Variants in LMCD1 observed in about 807,000 individuals in gnomAD.
LMCD1 encodes LIM and cysteine-rich domains protein 1.
A neutral mutation model predicts 42.7 loss-of-function variants in LMCD1; 32 were observed. The ratio of observed to expected loss-of-function variants is 0.75; its 90% CI spans 0.57 to 1.01. The LOEUF (loss-of-function observed/expected upper bound fraction) is 1.01. Among genes scored for constraint, LMCD1 ranks in the 50% least tolerant of loss-of-function variants. The pLI, the probability that LMCD1 is intolerant of heterozygous loss-of-function variation, is 0.00. For missense variants in LMCD1, 458 were observed against 483.1 expected (o/e 0.95, Z 0.49); for synonymous variants, 178 against 184.9 (o/e 0.96, Z 0.30).
intron 3 of LMCD1, among the ~76,000 whole-genome samples, chr3:8,539,245 T>G (rs78841471): frequency 9.2e-4 from 139 of 151,812 alleles, no homozygotes; most frequent in African/African-American, 3.3e-3. Context: ...CCAGATAAAA[T>G]GAAAAGAGAC....
chr3:8,508,336 C>G (rs73810477), intron 1 of LMCD1, among the ~76,000 whole-genome samples: 4 of 152,050 alleles, frequency 2.6e-5, no homozygotes, highest in African/African-American at 9.7e-5. Flanking sequence ...GGGCCCCCAC[C>G]GGGACATGCT....
rs1693733465 is a variant in LMCD1, at chr3:8,501,993, CTGTT to C, written c.42+17_42+20del. ...AGGAGTTAAAAAGGTGAGTGGAAAGCTGTTTGTATTTACCCAGATTCTTACTTTT... is the reference window on the plus strand; with the variant it reads ...AGGAGTTAAAAAGGTGAGTGGAAAGCTGTATTTACCCAGATTCTTACTTTT... On this transcript the variant is annotated intron_variant, in intron 1 of 5. Coordinates refer to ENST00000157600, the MANE Select transcript of LMCD1 (RefSeq NM_014583.4). 6.3e-7 allele frequency: 1 copy of C among 1,582,290 alleles called. No homozygotes were observed. The highest frequency in any genetic ancestry group is 8.6e-7 in the Non-Finnish European group (1 of 1,166,660).
rs917613061 is a variant in LMCD1, at chr3:8,571,267, C to T, written c.*3669C>T. 6 of 152,124 alleles carry T rather than the reference C, an allele frequency of 3.9e-5. No homozygotes were observed. Among genetic ancestry groups the T allele is most frequent in the African/African-American group, 1.2e-4 (5 of 41,430 alleles). The allele number at this position is 152,124 out of a possible 1,614,324, so 9.4% of individuals were successfully genotyped here. On this transcript the variant is annotated 3_prime_UTR_variant, in exon 6 of 6. Coordinates refer to ENST00000157600, the MANE Select transcript of LMCD1 (RefSeq NM_014583.4). The stretch of plus-strand genomic sequence containing the variant: ...CCCCTATGAACTTCTAAAGAATAAT[C>T]GTATTATCTTTATTTCCCCAACTCT...
chr3:8,543,390 AGATAGAT>A (rs1271063049), intron 3 of LMCD1, among the ~76,000 whole-genome samples: 2,032 of 90,758 alleles, frequency 0.022, 17 homozygotes, highest in African/African-American at 0.034. Flanking sequence ...ATAGATAGAT[AGATAGAT>A]GATAGATAGA....
chr3:8,546,037 G>T (rs1694729524), intron 3 of LMCD1, among the ~76,000 whole-genome samples: 1 of 152,176 alleles, frequency 6.6e-6, no homozygotes, highest in Non-Finnish European at 1.5e-5. Context: ...TCCTGCTGAG[G>T]CAGGAGAATC....
intron 2 of LMCD1, among the ~76,000 whole-genome samples, chr3:8,533,404 G>A (rs558226227): frequency 1.3e-4 from 20 of 152,272 alleles, no homozygotes; most frequent in Middle Eastern, 3.4e-3. Context: ...ACAATGCAGC[G>A]TCCCTGGGCA....
chr3:8,536,105 G>T (rs770573111), intron 2 of LMCD1, among the ~76,000 whole-genome samples: 1 of 152,180 alleles, frequency 6.6e-6, no homozygotes, highest in Non-Finnish European at 1.5e-5. Context: ...CCTCCTGACT[G>T]TAGGAGGGAA....
intron 1 of LMCD1, among the ~76,000 whole-genome samples, chr3:8,516,985 T>C (rs1694113199): frequency 6.6e-6 from 1 of 152,202 alleles, no homozygotes; most frequent in African/African-American, 2.4e-5. Flanking sequence ...TGCTACATCA[T>C]TTTTTGCTGA....
At chr3:8,515,917 G>T (rs2125013666) in intron 1 of LMCD1, among the ~76,000 whole-genome samples, 1 of 152,258 alleles carries the variant, frequency 6.6e-6, no homozygotes, top group East Asian at 1.9e-4. Context: ...TGGGTGGGGG[G>T]AGTGGGGAGG....
At chr3:8,525,569 T>C (rs2197901) in intron 1 of LMCD1, among the ~76,000 whole-genome samples, 2 of 152,030 alleles carry the variant, frequency 1.3e-5, no homozygotes, top group Non-Finnish European at 2.9e-5. Flanking sequence ...TTCATTTCCT[T>C]TGGATGTATA....
At chr3:8,539,792 A>ATTT (rs201628148) in intron 3 of LMCD1, among the ~76,000 whole-genome samples, 6,754 of 128,430 alleles carry the variant, frequency 0.053, 229 homozygotes, top group Middle Eastern at 0.084. Flanking sequence ...CCTTCCCAAC[A>ATTT]TTTTTATTAT....
intron 4 of LMCD1, chr3:8,549,833 G>A: frequency 2.8e-6 from 2 of 705,838 alleles, no homozygotes; most frequent in South Asian, 1.5e-5. Flanking sequence ...TGTGGCAAGG[G>A]GGCTGGGTGT....
chr3:8,525,968 C>G (rs565394110), intron 1 of LMCD1, among the ~76,000 whole-genome samples: 1 of 152,192 alleles, frequency 6.6e-6, no homozygotes, highest in Admixed American at 6.5e-5. Context: ...TGTAGCCCCT[C>G]GATACTCAAA....
chr3:8,514,887 T>G (rs1362800079), intron 1 of LMCD1: 2 of 454,256 alleles, frequency 4.4e-6, no homozygotes, highest in Non-Finnish European at 8.9e-6. Flanking sequence ...CTGAGGGAAC[T>G]TTCTGGGCCA....
chr3:8,570,561 T>A lies in LMCD1; in HGVS notation c.*2963T>A, dbSNP rs1312903383. The A allele has an allele frequency of 6.6e-6, 1 of 152,392 alleles. No homozygotes were observed. The highest frequency in any genetic ancestry group is 1.5e-5 in the Non-Finnish European group (1 of 68,154). 9.4% of individuals were successfully genotyped at this position (152,392 alleles called of 1,614,324 possible). A position where few individuals can be genotyped will look rare whatever the true frequency, so the allele number is the denominator to read the frequency against. ...CTCTGCCACTTGCCTTCATATCTGATGGGTCACTCAGTCCAGTCCTTTCTC... is the reference window on the plus strand; with the variant it reads ...CTCTGCCACTTGCCTTCATATCTGAAGGGTCACTCAGTCCAGTCCTTTCTC... On this transcript the variant is annotated 3_prime_UTR_variant, in exon 6 of 6. Coordinates refer to ENST00000157600, the MANE Select transcript of LMCD1 (RefSeq NM_014583.4).
chr3:8,535,523 C>T (rs1694493802), intron 2 of LMCD1, among the ~76,000 whole-genome samples: 1 of 152,124 alleles, frequency 6.6e-6, no homozygotes, highest in Non-Finnish European at 1.5e-5. Flanking sequence ...GTATCAAAGT[C>T]AAAGGAGTAG....
chr3:8,530,323 A>G (rs772421751), intron 1 of LMCD1, among the ~76,000 whole-genome samples: 1 of 152,240 alleles, frequency 6.6e-6, no homozygotes, highest in Non-Finnish European at 1.5e-5. Context: ...GAAATGACTC[A>G]TCTCCAGTTA....
In LMCD1 at chr3:8,573,667, G is replaced by C; in HGVS notation, c.*6069G>C. 6.6e-6 allele frequency: 1 copy of C among 152,308 alleles called. No individual in the cohort carries two copies. The highest frequency in any genetic ancestry group is 2.1e-4 in the South Asian group (1 of 4,830). 9.4% of individuals were successfully genotyped at this position (152,308 alleles called of 1,614,324 possible). A position where few individuals can be genotyped will look rare whatever the true frequency, so the allele number is the denominator to read the frequency against. Reference sequence around the variant, plus strand: ...ATTTGCCTTAGGTCAGATTCTACTAGTTTAAAGCAAAACGATCTCCTGGTC... The same window carrying C: ...ATTTGCCTTAGGTCAGATTCTACTACTTTAAAGCAAAACGATCTCCTGGTC... On this transcript the variant is annotated 3_prime_UTR_variant, in exon 6 of 6. Transcript: ENST00000157600.
chr3:8,550,150 T>G, intron 4 of LMCD1: 5 of 1,348,056 alleles, frequency 3.7e-6, no homozygotes, highest in Non-Finnish European at 4.8e-6. Flanking sequence ...GATGAAAGCC[T>G]CATGGCTTGG....
Sources: allele counts gnomAD v4.1 joint callset (sites outside exome capture counted in the v4.1 genomes callset), GRCh38; gene constraint gnomAD v4.1.1; transcripts MANE v1.5; gene names NCBI Gene and HGNC (gene_info 2026-07-23, HGNC 2026-07-21).